The following EPM2A variants were observed in gnomAD, a reference collection of about 807,000 sequenced individuals.
EPM2A encodes EPM2A glucan phosphatase, laforin.
In EPM2A, 21 loss-of-function variants were observed where a neutral mutation model predicts 26.5. The observed-to-expected ratio is 0.79, with a 90% CI of 0.56 to 1.14. EPM2A has a LOEUF of 1.14. EPM2A is among the 50% of genes most tolerant of loss of function. The probability of loss-of-function intolerance (pLI) is 0.00; values close to 1 mark genes in which losing one functional copy is unlikely to be tolerated. For synonymous variants in EPM2A, 217 were observed against 177.6 expected (o/e 1.22, Z -1.76); for missense variants, 458 against 440.8 (o/e 1.04, Z -0.35).
chr6:145,507,403 G>A (rs913404723), intron 2 of EPM2A, among the ~76,000 whole-genome samples: 1 of 152,188 alleles, frequency 6.6e-6, no homozygotes, highest in African/African-American at 2.4e-5. Context: ...GCATTCAGCT[G>A]AAAAGGTGTG....
At chr6:145,488,078 CT>C (rs71028350) in intron 4 of EPM2A, among the ~76,000 whole-genome samples, 64,995 of 151,836 alleles carry the variant, frequency 0.43, 14,021 homozygotes, top group South Asian at 0.56. Flanking sequence ...ATAGGGAATT[CT>C]TTCCCCATTG....
In EPM2A at chr6:145,458,866, A is replaced by G. The variant is rs982768830; in HGVS notation, c.555+43656T>C. Among the ~76,000 whole-genome samples the G allele has an allele frequency of 4.0e-5, 6 of 151,442 alleles. No individual in the cohort carries two copies. In the South Asian group the frequency reaches 6.2e-4, roughly 16 times the overall value. ...ACACATTAGCAAAAATGTGCCAAAT[A>G]TACATTTTTTTGGAGAGAACTCAAG... On this transcript the variant is annotated intron_variant, in intron 4 of 4. Coordinates refer to the EPM2A transcript ENST00000638717.
intron 4 of EPM2A, among the ~76,000 whole-genome samples, chr6:145,406,812 G>T: frequency 6.6e-6 from 1 of 152,176 alleles, no homozygotes; most frequent in East Asian, 1.9e-4. Flanking sequence ...CACCTGGGAA[G>T]TCATTAGAAA....
intron 2 of EPM2A, among the ~76,000 whole-genome samples, chr6:145,678,065 T>C (rs1780202058): frequency 6.6e-6 from 1 of 152,182 alleles, no homozygotes; most frequent in Non-Finnish European, 1.5e-5. Context: ...AGCATGGTAC[T>C]GGTACCAAAA....
chr6:145,621,675 G>T (rs1316615237), downstream of EPM2A, among the ~76,000 whole-genome samples: 1 of 151,056 alleles, frequency 6.6e-6, no homozygotes, highest in East Asian at 2.0e-4. Flanking sequence ...GTTTTAAACA[G>T]TATTTCCCTA....
At position 145,698,015 on chromosome 6, in the gene EPM2A, G is replaced by A. The variant is rs181107532; in HGVS notation, c.302-11719C>T. Among the ~76,000 whole-genome samples, 23 of 152,174 alleles carry A rather than the reference G, an allele frequency of 1.5e-4. No homozygotes were observed. The East Asian group carries it at 3.5e-3, about 23-fold the overall frequency. On this transcript the variant is annotated intron_variant, in intron 1 of 3. Coordinates refer to ENST00000367519, the MANE Select transcript of EPM2A (RefSeq NM_005670.4). ...AGTGATAAGTGTCCATGAAATCTTC[G>A]CAATTTATGTTCAGAGATTGCAGTA...
chr6:145,387,966 A>G (rs1385851480), intron 4 of EPM2A, among the ~76,000 whole-genome samples: 2 of 152,116 alleles, frequency 1.3e-5, no homozygotes, highest in Non-Finnish European at 2.9e-5. Flanking sequence ...GGTGACAGAA[A>G]TGTTGTTTGT....
intron 2 of EPM2A, among the ~76,000 whole-genome samples, chr6:145,567,160 A>G (rs1272988583): frequency 6.6e-6 from 1 of 152,202 alleles, no homozygotes; most frequent in Non-Finnish European, 1.5e-5. Context: ...TTTCTTAAAC[A>G]CTGCAGTGAC....
intron 2 of EPM2A, among the ~76,000 whole-genome samples, chr6:145,560,856 C>A (rs1780794379): frequency 6.6e-6 from 1 of 152,062 alleles, no homozygotes; most frequent in African/African-American, 2.4e-5. Context: ...ATTCTGCTGA[C>A]ACTTTATTAT....
intron 2 of EPM2A, among the ~76,000 whole-genome samples, chr6:145,591,139 AT>A (rs1323361701): frequency 6.6e-6 from 1 of 152,146 alleles, no homozygotes; most frequent in Non-Finnish European, 1.5e-5. Context: ...CAAGGAAAGA[AT>A]CAGTGAGCTG....
At chr6:145,732,566 A>C (rs971777991) in intron 1 of EPM2A, among the ~76,000 whole-genome samples, 1 of 152,138 alleles carries the variant, frequency 6.6e-6, no homozygotes, top group Admixed American at 6.5e-5. Flanking sequence ...CATTGTGAGA[A>C]CTGGTTTAAC....
intron 2 of EPM2A, among the ~76,000 whole-genome samples, chr6:145,504,448 A>T (rs910430565): frequency 7.4e-6 from 1 of 134,334 alleles, no homozygotes; most frequent in African/African-American, 2.8e-5. Flanking sequence ...ATGAACAGAC[A>T]CTTCTCAAAA....
At chr6:145,441,792 G>A (rs1779066347) in intron 4 of EPM2A, among the ~76,000 whole-genome samples, 1 of 152,174 alleles carries the variant, frequency 6.6e-6, no homozygotes, top group African/African-American at 2.4e-5. Flanking sequence ...AACATGGGAG[G>A]CAAAGATTGC....
chr6:145,699,844 A>T (rs1221395203), intron 1 of EPM2A, among the ~76,000 whole-genome samples: 2 of 152,244 alleles, frequency 1.3e-5, no homozygotes, highest in Non-Finnish European at 2.9e-5. Context: ...ATTCATGATG[A>T]TAAACATATT....
intron 1 of EPM2A, among the ~76,000 whole-genome samples, chr6:145,718,021 A>G (rs1266789102): frequency 6.6e-6 from 1 of 151,446 alleles, no homozygotes; most frequent in Non-Finnish European, 1.5e-5. Context: ...AAGAATCAAT[A>G]TCGTGAAAAT....
At chr6:145,497,733 G>A (rs573052183), downstream of EPM2A, among the ~76,000 whole-genome samples, 6 of 152,226 alleles carry the variant, frequency 3.9e-5, no homozygotes, top group Non-Finnish European at 5.9e-5. Flanking sequence ...AGAGAACATC[G>A]ACCCAACTGG....
chr6:145,387,262 C>T (rs1034924266), intron 4 of EPM2A, among the ~76,000 whole-genome samples: 1 of 152,132 alleles, frequency 6.6e-6, no homozygotes, highest in African/African-American at 2.4e-5. Context: ...GAGACAAAGA[C>T]CTTCCCTCCA....
chr6:145,544,252 T>C (rs959836279), intron 2 of EPM2A, among the ~76,000 whole-genome samples: 1 of 152,154 alleles, frequency 6.6e-6, no homozygotes, highest in African/African-American at 2.4e-5. Flanking sequence ...CTAAGCCGCA[T>C]TGGCTGCTGG....
At chr6:145,686,710 T>G in intron 1 of EPM2A, 1 of 185,626 alleles carries the variant, frequency 5.4e-6, no homozygotes, top group South Asian at 1.1e-4. Flanking sequence ...AATAAAGTGT[T>G]GTAGTATCAG....
Sources: gnomAD v4.1 joint callset for allele counts (sites outside exome capture counted in the v4.1 genomes callset) on GRCh38, gnomAD v4.1.1 for gene constraint, MANE v1.5 for transcripts, NCBI Gene and HGNC (gene_info 2026-07-23, HGNC 2026-07-21) for gene names.